Variants in RPS6KC1 observed in about 807,000 individuals in gnomAD.
RPS6KC1 encodes the protein ribosomal protein S6 kinase C1.
In RPS6KC1, 54 loss-of-function variants were observed where a neutral mutation model predicts 103.8. That is an observed-to-expected ratio of 0.52 (90% CI 0.42 to 0.65). The LOEUF (loss-of-function observed/expected upper bound fraction) is 0.65. Ranked by LOEUF, RPS6KC1 falls within the 30% of genes least tolerant of loss-of-function variation. The pLI is 0.00. For missense variants in RPS6KC1, 1,151 were observed against 1,253.8 expected, an observed-to-expected ratio of 0.92 and a Z score of 1.24; for synonymous variants, 439 against 438.7, an observed-to-expected ratio of 1.00 and a Z score of -0.01.
At chr1:213,425,199 A>G in the RPS6KC1 span, among the ~76,000 whole-genome samples, 1 of 152,204 alleles carries the variant, frequency 6.6e-6, no homozygotes, top group South Asian at 2.1e-4. Context: ...ACAAATAACA[A>G]CAGCAGCAGC....
At chr1:213,606,413 T>C in the RPS6KC1 span, among the ~76,000 whole-genome samples, 3 of 152,228 alleles carry the variant, frequency 2.0e-5, no homozygotes, top group Admixed American at 2.0e-4. Flanking sequence ...CACATTCTGT[T>C]CCTGGGTCTG....
chr1:213,147,876 C>G (rs898261041), intron 6 of RPS6KC1, among the ~76,000 whole-genome samples: 2 of 151,806 alleles, frequency 1.3e-5, no homozygotes, highest in Admixed American at 6.6e-5. Context: ...TTTTTTTCAT[C>G]AGTGTTTTAT....
the RPS6KC1 span, among the ~76,000 whole-genome samples, chr1:213,828,373 G>A: frequency 6.6e-6 from 1 of 152,176 alleles, no homozygotes; most frequent in African/African-American, 2.4e-5. Flanking sequence ...TCCCATTAAA[G>A]CAATGCTGAA....
the RPS6KC1 span, among the ~76,000 whole-genome samples, chr1:213,424,879 A>G: frequency 6.6e-6 from 1 of 152,152 alleles, no homozygotes; most frequent in South Asian, 2.1e-4. Context: ...TTCCTCCGCC[A>G]GCACCGCTCT....
chr1:213,204,496 G>A (rs1236823513), intron 8 of RPS6KC1, among the ~76,000 whole-genome samples: 4 of 151,880 alleles, frequency 2.6e-5, no homozygotes, highest in Non-Finnish European at 4.4e-5. Flanking sequence ...TAGTATTAGA[G>A]TATGCTGGAA....
chr1:213,784,336 C>G, the RPS6KC1 span, among the ~76,000 whole-genome samples: 1 of 152,198 alleles, frequency 6.6e-6, no homozygotes, highest in Admixed American at 6.5e-5. Flanking sequence ...CTGCTTGGAA[C>G]CTCACACACA....
At chr1:213,219,571 G>T (rs1363645119) in intron 8 of RPS6KC1, among the ~76,000 whole-genome samples, 1 of 152,120 alleles carries the variant, frequency 6.6e-6, no homozygotes, top group East Asian at 1.9e-4. Flanking sequence ...TATGTTTATT[G>T]CAGCACTACT....
chr1:213,468,829 A>G, the RPS6KC1 span, among the ~76,000 whole-genome samples: 3 of 152,106 alleles, frequency 2.0e-5, no homozygotes, highest in Non-Finnish European at 4.4e-5. Flanking sequence ...AGTGCCCTTC[A>G]CTCACGATGT....
chr1:213,384,696 C>T, the RPS6KC1 span, among the ~76,000 whole-genome samples: 1 of 152,190 alleles, frequency 6.6e-6, no homozygotes, highest in African/African-American at 2.4e-5. Flanking sequence ...ACCCCATCTC[C>T]ATTCTACAGA....
chr1:213,095,689 G>C (rs1306082092), intron 3 of RPS6KC1, among the ~76,000 whole-genome samples: 5 of 152,204 alleles, frequency 3.3e-5, no homozygotes, highest in African/African-American at 1.2e-4. Flanking sequence ...GAGTCACACA[G>C]AATATTTTGG....
At chr1:213,194,389 C>T (rs2092862166) in intron 8 of RPS6KC1, among the ~76,000 whole-genome samples, 1 of 152,098 alleles carries the variant, frequency 6.6e-6, no homozygotes, top group Non-Finnish European at 1.5e-5. Context: ...TTCCTTCCTT[C>T]CTGTATTCCT....
Position 213,070,986 on chromosome 1 carries a change from C to T in RPS6KC1, c.106-20C>T. On this transcript the variant is annotated intron_variant, in intron 1 of 14. Coordinates refer to ENST00000366960, the MANE Select transcript of RPS6KC1 (RefSeq NM_012424.6). ...AAATTTTGATAATGATTAGAGATTT[C>T]TATGTATGTTTTGTTTTAGGTTGTT... 1 of 1,456,638 alleles carries T rather than the reference C, an allele frequency of 6.9e-7. No homozygotes were observed. The highest frequency in any genetic ancestry group is 9.4e-7 in the Non-Finnish European group (1 of 1,060,994). The allele number at this position is 1,456,638 out of a possible 1,614,324, so 90.2% of individuals were successfully genotyped here. A position where few individuals can be genotyped will look rare whatever the true frequency, so the allele number is the denominator to read the frequency against.
the RPS6KC1 span, among the ~76,000 whole-genome samples, chr1:213,301,432 A>G: frequency 6.6e-6 from 1 of 152,230 alleles, no homozygotes; most frequent in African/African-American, 2.4e-5. Flanking sequence ...AATAGTGGGC[A>G]ACTAGTATAT....
chr1:213,701,115 G>T, the RPS6KC1 span, among the ~76,000 whole-genome samples: 1 of 151,950 alleles, frequency 6.6e-6, no homozygotes, highest in Non-Finnish European at 1.5e-5. Context: ...GTGTAAGTGG[G>T]CATCCTTGTT....
the RPS6KC1 span, among the ~76,000 whole-genome samples, chr1:213,802,456 T>C: frequency 5.3e-5 from 8 of 152,192 alleles, no homozygotes; most frequent in African/African-American, 1.4e-4. Flanking sequence ...TCCAGTAACA[T>C]TGATAAAAGA....
intron 1 of RPS6KC1, 24 bp from the exon 2 acceptor site, chr1:213,070,982 A>T (rs369496694): frequency 8.3e-6 from 12 of 1,438,736 alleles, no homozygotes; most frequent in Non-Finnish European, 1.1e-5. Context: ...ATGATTAGAG[A>T]TTTCTATGTA....
At chr1:213,847,789 G>C in the RPS6KC1 span, among the ~76,000 whole-genome samples, 3 of 152,072 alleles carry the variant, frequency 2.0e-5, no homozygotes, top group East Asian at 3.9e-4. Context: ...TTGTATATTT[G>C]AGAAAAATTT....
At chr1:213,342,033 T>C in the RPS6KC1 span, among the ~76,000 whole-genome samples, 1 of 152,224 alleles carries the variant, frequency 6.6e-6, no homozygotes, top group Non-Finnish European at 1.5e-5. Flanking sequence ...GTTTGATTCT[T>C]CTCTTGGCCA....
chr1:213,807,419 A>G, the RPS6KC1 span, among the ~76,000 whole-genome samples: 1 of 152,218 alleles, frequency 6.6e-6, no homozygotes, highest in Non-Finnish European at 1.5e-5. Context: ...AGGTACACCA[A>G]TCAGACGTAG....
Sources: gnomAD v4.1 joint callset for allele counts (sites outside exome capture counted in the v4.1 genomes callset) on GRCh38, gnomAD v4.1.1 for gene constraint, MANE v1.5 for transcripts, NCBI Gene and HGNC (gene_info 2026-07-23, HGNC 2026-07-21) for gene names.